HERC3: variants seen among roughly 807,000 people sequenced by gnomAD.
HERC3 encodes the protein probable E3 ubiquitin-protein ligase HERC3.
A neutral mutation model predicts 129.9 loss-of-function variants in HERC3; 58 were observed. The ratio of observed to expected loss-of-function variants is 0.45; its 90% CI spans 0.36 to 0.56. The LOEUF (loss-of-function observed/expected upper bound fraction) is 0.56, where lower values mean the gene tolerates loss of function less well. Ranked by LOEUF, HERC3 falls within the 20% of genes least tolerant of loss-of-function variation. HERC3 has a pLI of 0.00. For missense variants in HERC3, 835 were observed against 1,244.2 expected (o/e 0.67, Z 4.95); for synonymous variants, 430 against 451.0 (o/e 0.95, Z 0.59).
intron 3 of HERC3, among the ~76,000 whole-genome samples, chr4:88,617,619 C>T (rs936286989): frequency 1.3e-5 from 2 of 152,174 alleles, no homozygotes; most frequent in Non-Finnish European, 2.9e-5. Flanking sequence ...CGCCTGTAAG[C>T]CCAGCACTTT....
At chr4:88,648,600 T>G in intron 3 of HERC3, among the ~76,000 whole-genome samples, 1 of 152,206 alleles carries the variant, frequency 6.6e-6, no homozygotes, top group Non-Finnish European at 1.5e-5. Context: ...CATGTTCTTT[T>G]CTAGAAACTT....
chr4:88,604,347 T>A (rs934988741), intron 2 of HERC3, among the ~76,000 whole-genome samples: 17 of 152,226 alleles, frequency 1.1e-4, no homozygotes, highest in Admixed American at 6.5e-4. Context: ...AGTATAAAAT[T>A]TAGGGGTTTT....
Position 88,667,785 on chromosome 4 carries a change from GTGAA to G in HERC3, c.1444-99_1444-96del, listed in dbSNP as rs971517255. ...GCTCATAGTAGGTTCTCAGTGCATA[GTGAA>G]TGAATGAGAGTTGAGAGTCTATCAA... On this transcript the variant is annotated intron_variant, in intron 13 of 25. Coordinates refer to ENST00000402738, the MANE Select transcript of HERC3 (RefSeq NM_014606.3). 10 of 823,674 alleles carry G rather than the reference GTGAA, an allele frequency of 1.2e-5. No individual in the cohort carries two copies. The African/African-American group carries it at 1.7e-4, about 14-fold the overall frequency. The allele number at this position is 823,674 out of a possible 1,614,324, so 51.0% of individuals were successfully genotyped here.
chr4:88,558,835 G>A, the HERC3 span, among the ~76,000 whole-genome samples: 1 of 151,950 alleles, frequency 6.6e-6, no homozygotes, highest in African/African-American at 2.4e-5. Context: ...AGGCATGATG[G>A]TGGGCGCCTG....
chr4:88,529,363 A>T, the HERC3 span, among the ~76,000 whole-genome samples: 1 of 152,182 alleles, frequency 6.6e-6, no homozygotes, highest in Non-Finnish European at 1.5e-5. Context: ...AGGCTGAGGA[A>T]GGAGGATCAC....
At chr4:88,693,292 T>C in intron 23 of HERC3, 1 of 973,964 alleles carries the variant, frequency 1.0e-6, no homozygotes, top group Non-Finnish European at 1.2e-6. Context: ...TGATAAGGTC[T>C]CAGGGGTGAA....
chr4:88,657,984 A>G (rs1253418265), intron 9 of HERC3, among the ~76,000 whole-genome samples: 1 of 152,206 alleles, frequency 6.6e-6, no homozygotes. Context: ...CACCGTGGAC[A>G]CAGTGTGATG....
At chr4:88,595,841 C>CT (rs532515500) in intron 2 of HERC3, among the ~76,000 whole-genome samples, 2,763 of 80,294 alleles carry the variant, frequency 0.034, 177 homozygotes, top group Middle Eastern at 0.11. Context: ...GCACTTAATT[C>CT]TTTTTTTTTT....
At chr4:88,545,000 T>C in the HERC3 span, among the ~76,000 whole-genome samples, 3 of 152,138 alleles carry the variant, frequency 2.0e-5, no homozygotes, top group African/African-American at 7.2e-5. Context: ...TGTATACCTA[T>C]GTAACAAACC....
rs151268936 is a variant in HERC3 at position 88,637,600 on chromosome 4, G to A, written c.227-12240G>A. ...CTGGGACACAGCTAAAGAAAGCAGT[G>A]TTAAGAGGGAAATTTATAGCACTAA... On this transcript the variant is annotated intron_variant, in intron 3 of 25. Coordinates refer to ENST00000402738, the MANE Select transcript of HERC3 (RefSeq NM_014606.3). 3.5e-3 allele frequency among the ~76,000 whole-genome samples: 536 copies of A among 152,324 alleles called. 10 individuals are homozygous for A. The highest frequency in any genetic ancestry group is 0.012 in the African/African-American group (506 of 41,574).
At chr4:88,642,077 G>A (rs181181795) in intron 3 of HERC3, among the ~76,000 whole-genome samples, 56 of 143,052 alleles carry the variant, frequency 3.9e-4, no homozygotes, top group Non-Finnish European at 6.3e-4. Context: ...GTTGCAGTGA[G>A]CCGAGATCAC....
chr4:88,631,036 A>G (rs770540105), intron 3 of HERC3, among the ~76,000 whole-genome samples: 1 of 152,224 alleles, frequency 6.6e-6, no homozygotes, highest in Non-Finnish European at 1.5e-5. Flanking sequence ...GAAAGCATAC[A>G]TAGTAAATTT....
the HERC3 span, among the ~76,000 whole-genome samples, chr4:88,537,859 A>G: frequency 6.6e-6 from 1 of 152,250 alleles, no homozygotes; most frequent in Non-Finnish European, 1.5e-5. Context: ...GGAGATCTGC[A>G]TTTAGCAGCC....
At chr4:88,589,152 C>T (rs1041680871), upstream of HERC3, among the ~76,000 whole-genome samples, 5 of 152,016 alleles carry the variant, frequency 3.3e-5, no homozygotes, top group African/African-American at 1.2e-4. Flanking sequence ...TGCAGTGGTG[C>T]CATCAAAGCT....
At chr4:88,527,601 G>A in the HERC3 span, 1 of 225,570 alleles carries the variant, frequency 4.4e-6, no homozygotes, top group Admixed American at 5.8e-5. Context: ...CAGTTATGGG[G>A]ATGTACCCGC....
At chr4:88,646,181 G>A (rs1401016068) in intron 3 of HERC3, among the ~76,000 whole-genome samples, 1 of 152,134 alleles carries the variant, frequency 6.6e-6, no homozygotes, top group African/African-American at 2.4e-5. Context: ...TTGCCTTACA[G>A]GGTTGTTGCA....
chr4:88,633,199 A>C (rs376303360), intron 3 of HERC3, among the ~76,000 whole-genome samples: 1 of 152,254 alleles, frequency 6.6e-6, no homozygotes, highest in Non-Finnish European at 1.5e-5. Flanking sequence ...AGAGAATTCA[A>C]CTAGCAGGGC....
chr4:88,693,198 T>C (rs895430904), intron 23 of HERC3: 9 of 982,180 alleles, frequency 9.2e-6, no homozygotes, highest in Admixed American at 1.2e-4. Flanking sequence ...TTTTTTCTCT[T>C]CCCCCCCACC....
At chr4:88,544,632 C>T in the HERC3 span, among the ~76,000 whole-genome samples, 1,278 of 152,194 alleles carry the variant, frequency 8.4e-3, 16 homozygotes, top group African/African-American at 0.029. Context: ...ATGTTTATTG[C>T]GGCACTATTC....
Sources: gnomAD v4.1 joint callset for allele counts (sites outside exome capture counted in the v4.1 genomes callset) on GRCh38, gnomAD v4.1.1 for gene constraint, MANE v1.5 for transcripts, NCBI Gene and HGNC (gene_info 2026-07-23, HGNC 2026-07-21) for gene names.